CCDC30: variants seen among roughly 807,000 people sequenced by gnomAD.
CCDC30 encodes coiled-coil domain containing 30, also known as coiled-coil domain-containing protein 30.
A neutral mutation model predicts 100.2 loss-of-function variants in CCDC30; 70 were observed. The observed-to-expected ratio is 0.70, with a 90% CI of 0.58 to 0.85. The LOEUF (loss-of-function observed/expected upper bound fraction) is 0.85. CCDC30 is among the 40% of genes least tolerant of loss of function. The probability of loss-of-function intolerance (pLI) is 0.00; values close to 1 mark genes in which losing one functional copy is unlikely to be tolerated. For synonymous variants in CCDC30, 233 were observed against 269.5 expected, an observed-to-expected ratio of 0.86 and a Z score of 1.33; for missense variants, 652 against 771.2, an observed-to-expected ratio of 0.85 and a Z score of 1.83.
intron 11 of CCDC30, among the ~76,000 whole-genome samples, chr1:42,631,894 AG>A (rs1647044972): frequency 6.6e-6 from 1 of 152,146 alleles, no homozygotes; most frequent in African/African-American, 2.4e-5. Flanking sequence ...CTTCTGGCCC[AG>A]GGCATGTCCA....
At chr1:42,644,705 G>A in exon 14 of CCDC30, 2 of 1,600,958 alleles carry the variant, frequency 1.2e-6, no homozygotes, top group South Asian at 1.1e-5. Flanking sequence ...TACTTTACAT[G>A]GATAAAGAAA....
At chr1:42,551,994 G>A (rs1392463380) in intron 6 of CCDC30, among the ~76,000 whole-genome samples, 1 of 151,982 alleles carries the variant, frequency 6.6e-6, no homozygotes, top group Admixed American at 6.6e-5. Flanking sequence ...TCGAACTCCT[G>A]GGCTCAAGTG....
rs114181948 is a variant in CCDC30 at position 42,473,498 on chromosome 1, A to T, written c.-91-6963A>T. The stretch of plus-strand genomic sequence containing the variant: ...TTTCCATTAAGACTCCATGTATAGG[A>T]TGTTGCCCAGTGATGACTGGCTGAA... On this transcript the variant is annotated intron_variant, in intron 1 of 16. Transcript: ENST00000668663. The T allele has an allele frequency of 5.9e-3, 2,291 of 385,884 alleles. 12 individuals carry two copies. The highest frequency in any genetic ancestry group is 8.3e-3 in the South Asian group (57 of 6,900). The allele number at this position is 385,884 out of a possible 1,614,324, so 23.9% of individuals were successfully genotyped here.
At chr1:42,630,914 T>C (rs1408465078) in intron 11 of CCDC30, among the ~76,000 whole-genome samples, 1 of 152,206 alleles carries the variant, frequency 6.6e-6, no homozygotes, top group Non-Finnish European at 1.5e-5. Context: ...AACAGCTATT[T>C]TGAATTTTCT....
chr1:42,531,700 G>A (rs1329718595), intron 6 of CCDC30, among the ~76,000 whole-genome samples: 6 of 152,032 alleles, frequency 3.9e-5, no homozygotes, highest in African/African-American at 1.4e-4. Context: ...GACAGAGGTT[G>A]CAGTGAGCTG....
intron 10 of CCDC30, among the ~76,000 whole-genome samples, chr1:42,609,899 C>A (rs894178630): frequency 1.3e-5 from 2 of 152,114 alleles, no homozygotes; most frequent in African/African-American, 4.8e-5. Context: ...ACCTAGCAAG[C>A]CTGTGAAATC....
intron 11 of CCDC30, among the ~76,000 whole-genome samples, chr1:42,619,648 A>T (rs574330062): frequency 6.6e-6 from 1 of 152,180 alleles, no homozygotes; most frequent in Non-Finnish European, 1.5e-5. Context: ...GTATTATAGC[A>T]GCCCTCAGAG....
chr1:42,497,091 G>C lies in CCDC30; in HGVS notation c.242-7G>C. On this transcript the variant is annotated splice_region_variant and splice_polypyrimidine_tract_variant and intron_variant, in intron 4 of 16. Coordinates refer to ENST00000668663, the Ensembl canonical transcript of CCDC30. ...AGTTGAGTAAACTGTGTTCTTCTCTGTTTTAGATGCAGCTGACCTACAGAA... is the reference window on the plus strand; with the variant it reads ...AGTTGAGTAAACTGTGTTCTTCTCTCTTTTAGATGCAGCTGACCTACAGAA... The C allele has an allele frequency of 8.2e-7, 1 of 1,225,844 alleles. No individual in the cohort carries two copies. The highest frequency in any genetic ancestry group is 1.0e-6 in the Non-Finnish European group (1 of 980,370). 75.9% of individuals were successfully genotyped at this position (1,225,844 alleles called of 1,614,324 possible).
intron 6 of CCDC30, among the ~76,000 whole-genome samples, chr1:42,552,423 C>T (rs1038393384): frequency 1.3e-5 from 2 of 152,028 alleles, no homozygotes; most frequent in Non-Finnish European, 2.9e-5. Flanking sequence ...CACTTCTGTT[C>T]TTCTATGGCC....
chr1:42,465,764 A>G (rs1364310878), intron 1 of CCDC30, among the ~76,000 whole-genome samples: 2 of 152,176 alleles, frequency 1.3e-5, no homozygotes, highest in African/African-American at 4.8e-5. Context: ...AACTAGGGAT[A>G]TGCTACTGAC....
chr1:42,539,930 A>G (rs933418716), intron 6 of CCDC30, among the ~76,000 whole-genome samples: 4 of 151,988 alleles, frequency 2.6e-5, no homozygotes, highest in Non-Finnish European at 2.9e-5. Flanking sequence ...AAAAAAAAAA[A>G]AAAGAAAAGG....
At chr1:42,574,984 A>G (rs1645803883) in intron 7 of CCDC30, among the ~76,000 whole-genome samples, 1 of 152,184 alleles carries the variant, frequency 6.6e-6, no homozygotes, top group Non-Finnish European at 1.5e-5. Context: ...CTATCCTATG[A>G]GGTAAGTAGT....
chr1:42,520,863 G>T (rs1443048449), intron 6 of CCDC30, among the ~76,000 whole-genome samples: 1 of 151,052 alleles, frequency 6.6e-6, no homozygotes, highest in African/African-American at 2.4e-5. Context: ...TAGCCAGGAT[G>T]GTCTTGATCT....
intron 10 of CCDC30, among the ~76,000 whole-genome samples, chr1:42,601,486 T>C (rs959936456): frequency 1.3e-5 from 2 of 152,178 alleles, no homozygotes; most frequent in Non-Finnish European, 2.9e-5. Context: ...ATGAGTCTTC[T>C]GGGCATGAAC....
Position 42,563,058 on chromosome 1 carries a change from G to A in CCDC30, c.457-3238G>A, listed in dbSNP as rs535139408. ...GAAGACAGCATGGTGATTCCTCAAG[G>A]ATCTAGAACCAGAAATACAGTTTGA... On this transcript the variant is annotated intron_variant, in intron 6 of 16. Coordinates refer to ENST00000668663, the Ensembl canonical transcript of CCDC30. 9.2e-5 allele frequency among the ~76,000 whole-genome samples: 14 copies of A among 152,294 alleles called. 1 individual carries two copies. The highest frequency in any genetic ancestry group is 3.4e-4 in the African/African-American group (14 of 41,550).
intron 1 of CCDC30, chr1:42,473,370 A>G (rs1305308106): frequency 2.2e-6 from 2 of 925,162 alleles, no homozygotes; most frequent in Non-Finnish European, 2.8e-6. Flanking sequence ...CATTAAATTG[A>G]CATATTAAAA....
intron 6 of CCDC30, among the ~76,000 whole-genome samples, chr1:42,503,982 G>C (rs962067902): frequency 3.9e-5 from 6 of 152,182 alleles, no homozygotes; most frequent in African/African-American, 9.7e-5. Flanking sequence ...TCAGAGCTGA[G>C]AGCCCCGAAC....
downstream of CCDC30, chr1:42,654,203 G>A: frequency 3.3e-6 from 2 of 599,954 alleles, no homozygotes; most frequent in African/African-American, 1.9e-5. Flanking sequence ...TCTCAAGTTT[G>A]TTTGATATCC....
the CCDC30 span, chr1:42,457,137 C>G: frequency 6.3e-7 from 1 of 1,586,360 alleles, no homozygotes; most frequent in Admixed American, 1.7e-5. Context: ...CCACTTATCC[C>G]CTTACCTCCT....
Sources: allele counts gnomAD v4.1 joint callset (sites outside exome capture counted in the v4.1 genomes callset), GRCh38; gene constraint gnomAD v4.1.1; transcripts MANE v1.5; gene names NCBI Gene and HGNC (gene_info 2026-07-23, HGNC 2026-07-21).